The following SEC14L6 variants were observed in gnomAD, a reference collection of about 807,000 sequenced individuals.
SEC14L6 encodes the protein SEC14 like lipid binding 6.
In SEC14L6, 40 loss-of-function variants were observed where a neutral mutation model predicts 54.1. The ratio of observed to expected loss-of-function variants is 0.74; its 90% CI spans 0.57 to 0.96. The LOEUF (loss-of-function observed/expected upper bound fraction) is 0.96, where lower values mean the gene tolerates loss of function less well. Ranked by LOEUF, SEC14L6 falls within the 40% of genes least tolerant of loss-of-function variation. The probability of loss-of-function intolerance (pLI) is 0.00; values close to 1 mark genes in which losing one functional copy is unlikely to be tolerated. For missense variants in SEC14L6, 471 were observed against 498.3 expected (o/e 0.95, Z 0.52); for synonymous variants, 171 against 198.4 (o/e 0.86, Z 1.16).
chr22:30,542,837 G>C (rs1186116011), intron 1 of SEC14L6: 2 of 1,596,312 alleles, frequency 1.3e-6, no homozygotes, highest in African/African-American at 2.7e-5. Flanking sequence ...CACTTCCCCC[G>C]GGTAACAACT....
At position 30,525,064 on chromosome 22, in the gene SEC14L6, C is replaced by A. The variant is rs1312629497; in HGVS notation, c.1127G>T (p.Arg376Leu). The change falls in exon 12 of 12, where the codon CGC becomes CTC. Residue 376 changes from arginine (R) to leucine (L), a missense_variant. Transcript: ENST00000402034. ...YNTYSLVHSK[R>L]ISYTVEVLLP... ...CAGTACCTCCACGGTGTAGCTGATG[C>A]GTTTAGAATGAACCAGGCTGTAGGT... 2 of 1,549,992 alleles carry A rather than the reference C, an allele frequency of 1.3e-6. No homozygotes were observed. The highest frequency in any genetic ancestry group is 2.4e-5 in the South Asian group (2 of 84,052).
intron 1 of SEC14L6, among the ~76,000 whole-genome samples, chr22:30,545,460 T>C (rs1300265886): frequency 6.6e-6 from 1 of 151,924 alleles, no homozygotes; most frequent in East Asian, 1.9e-4. Context: ...AGTGGCACGA[T>C]GTTGGCTCAC....
At chr22:30,543,848 T>C in intron 1 of SEC14L6, 1 of 1,513,352 alleles carries the variant, frequency 6.6e-7, no homozygotes, top group African/African-American at 1.4e-5. Flanking sequence ...ACAAATGATA[T>C]CACATATGCG....
rs1201756831 is a variant in SEC14L6 at position 30,528,119 on chromosome 22, C to CTTT, written c.664+965_664+967dup. On this transcript the variant is annotated intron_variant, in intron 8 of 11. Coordinates refer to ENST00000402034, the MANE Select transcript of SEC14L6 (RefSeq NM_001193336.4). ...TATATAATTTGGAAAACCTAGATTT[C>CTTT]TTTTTTTTTTTTTTTTTTTTTGAGA... Among the ~76,000 whole-genome samples the CTTT allele has an allele frequency of 4.1e-3, 486 of 117,646 alleles. 19 individuals carry two copies. The highest frequency in any genetic ancestry group is 0.013 in the African/African-American group (416 of 30,928). 77.2% of individuals were successfully genotyped at this position (117,646 alleles called of 152,430 possible).
rs983895600 is a variant in SEC14L6 at position 30,533,978 on chromosome 22, G to T, written c.174+18C>A. 1 of 1,549,734 alleles carries T rather than the reference G, an allele frequency of 6.5e-7. No homozygotes were observed. Among genetic ancestry groups the T allele is most frequent in the Non-Finnish European group, 8.7e-7 (1 of 1,146,160 alleles). On this transcript the variant is annotated intron_variant, in intron 3 of 11. Coordinates refer to ENST00000402034, the MANE Select transcript of SEC14L6 (RefSeq NM_001193336.4). The stretch of plus-strand genomic sequence containing the variant: ...AGGAAACAGGACCAGGCTAGGCAGG[G>T]GGAGGTGTCAACCTCACCTTCCTCA...
At chr22:30,529,392 T>C in intron 6 of SEC14L6, 43 bp from the exon 7 acceptor site, 1 of 1,442,824 alleles carries the variant, frequency 6.9e-7, no homozygotes, top group Non-Finnish European at 9.5e-7. Context: ...CTGAACACTG[T>C]CCCCTTGCAT....
At chr22:30,530,058 G>A (rs186244763) in intron 6 of SEC14L6, among the ~76,000 whole-genome samples, 1 of 152,172 alleles carries the variant, frequency 6.6e-6, no homozygotes, top group African/African-American at 2.4e-5. Context: ...GTCCCAATAG[G>A]CCCCATTACA....
In SEC14L6 at chr22:30,534,028, C is replaced by T; in HGVS notation, c.142G>A (p.Asp48Asn). 2 of 1,550,858 alleles carry T rather than the reference C, an allele frequency of 1.3e-6. No homozygotes were observed. Among genetic ancestry groups the T allele is most frequent in the African/African-American group, 1.4e-5 (1 of 73,180 alleles). The part of the protein sequence containing the change: ...LLRWLQARSF[D>N]LQKSEDMLRK... ...AGCATGTCCTCTGATTTCTGCAGGT[C>T]AAAGCTCCGAGCTGCAACAAGAGAC... Residue 48 changes from aspartate (D) to asparagine (N), a missense_variant, in exon 3 of 12, where the codon GAC (aspartate) becomes AAC (asparagine). Transcript: ENST00000402034.
At chr22:30,544,092 G>T in intron 1 of SEC14L6, 1 of 1,463,294 alleles carries the variant, frequency 6.8e-7, no homozygotes, top group Non-Finnish European at 9.5e-7. Context: ...GAATGGGACC[G>T]TGGTTTGCTC....
At chr22:30,540,288 T>C (rs181039795) in intron 1 of SEC14L6, among the ~76,000 whole-genome samples, 18 of 152,178 alleles carry the variant, frequency 1.2e-4, no homozygotes, top group African/African-American at 4.1e-4. Context: ...CTGACTTCAA[T>C]TGTCTTTTAA....
At chr22:30,525,306 C>A (rs759413901) in intron 11 of SEC14L6, 44 bp downstream of exon 11, 1 of 1,597,004 alleles carries the variant, frequency 6.3e-7, no homozygotes, top group South Asian at 1.1e-5. Context: ...GCACCCTCCC[C>A]CTAGCCCCCA....
At position 30,523,002 on chromosome 22, in the gene SEC14L6, G is replaced by A. The variant is rs1936654769; in HGVS notation, c.*1995C>T. ...TGACTAAAGAAAGCCAGAATCAAAA[G>A]GCTAAATATTGCACGATTCCATTTA... On this transcript the variant is annotated 3_prime_UTR_variant, in exon 12 of 12. Coordinates refer to ENST00000402034, the MANE Select transcript of SEC14L6 (RefSeq NM_001193336.4). 6.6e-6 allele frequency: 1 copy of A among 152,190 alleles called. No individual in the cohort carries two copies. The highest frequency in any genetic ancestry group is 2.4e-5 in the African/African-American group (1 of 41,438). 9.4% of individuals were successfully genotyped at this position (152,190 alleles called of 1,614,324 possible).
chr22:30,530,371 C>A (rs1176257468), intron 6 of SEC14L6, among the ~76,000 whole-genome samples: 1 of 152,086 alleles, frequency 6.6e-6, no homozygotes, highest in Non-Finnish European at 1.5e-5. Context: ...TGCACTCTAG[C>A]CTGGGCAACA....
At chr22:30,527,031 G>A (rs1936800186) in intron 8 of SEC14L6, among the ~76,000 whole-genome samples, 3 of 152,218 alleles carry the variant, frequency 2.0e-5, no homozygotes, top group East Asian at 3.9e-4. Context: ...CCAGGAGGTT[G>A]AGGCTAGAGT....
chr22:30,541,429 TG>T (rs2085707788), intron 1 of SEC14L6, among the ~76,000 whole-genome samples: 1 of 152,098 alleles, frequency 6.6e-6, no homozygotes, highest in South Asian at 2.1e-4. Context: ...GAAGCCGAGG[TG>T]GGTGGATCAC....
At chr22:30,526,121 T>C (rs1936771733) in intron 8 of SEC14L6, among the ~76,000 whole-genome samples, 189 bp from the exon 9 acceptor site, 1 of 152,208 alleles carries the variant, frequency 6.6e-6, no homozygotes, top group African/African-American at 2.4e-5. Flanking sequence ...GTCCTGGGGC[T>C]CAGCATGTGC....
intron 1 of SEC14L6, among the ~76,000 whole-genome samples, chr22:30,544,599 A>G (rs1303013297): frequency 6.6e-6 from 1 of 152,146 alleles, no homozygotes; most frequent in East Asian, 1.9e-4. Flanking sequence ...AGACCTGGTG[A>G]GGTTGCTGCC....
rs1936672795 is a variant in SEC14L6 at position 30,523,528 on chromosome 22, G to A, written c.*1469C>T. 6.6e-6 allele frequency: 1 copy of A among 152,078 alleles called. No individual in the cohort carries two copies. The highest frequency in any genetic ancestry group is 1.5e-5 in the Non-Finnish European group (1 of 68,068). The allele number at this position is 152,078 out of a possible 1,614,324, so 9.4% of individuals were successfully genotyped here. On this transcript the variant is annotated 3_prime_UTR_variant, in exon 12 of 12. Transcript: ENST00000402034. ...CGCCGCCACCACACCCAACTAATTT[G>A]TGTATGTTTCGTAGAGACGGGGTTT... is the stretch of plus-strand genomic sequence containing the variant.
rs1936653524 is a variant in SEC14L6 at position 30,522,963 on chromosome 22, C to T, written c.*2034G>A. Reference sequence around the variant, plus strand: ...CACATGCAACAAAGTGAATGAATCTCAGAGGCATTATGCTGACTAAAGAAA... The same window carrying T: ...CACATGCAACAAAGTGAATGAATCTTAGAGGCATTATGCTGACTAAAGAAA... On this transcript the variant is annotated 3_prime_UTR_variant, in exon 12 of 12. Transcript: ENST00000402034. The T allele has an allele frequency of 6.6e-6, 1 of 152,178 alleles. No individual in the cohort carries two copies. The highest frequency in any genetic ancestry group is 2.4e-5 in the African/African-American group (1 of 41,420). 9.4% of individuals were successfully genotyped at this position (152,178 alleles called of 1,614,324 possible). A position where few individuals can be genotyped will look rare whatever the true frequency, so the allele number is the denominator to read the frequency against.
Sources: gnomAD v4.1 joint callset for allele counts (sites outside exome capture counted in the v4.1 genomes callset) on GRCh38, gnomAD v4.1.1 for gene constraint, MANE v1.5 for transcripts, NCBI Gene and HGNC (gene_info 2026-07-23, HGNC 2026-07-21) for gene names.